GPC5: variants seen among roughly 807,000 people sequenced by gnomAD.
The protein encoded by GPC5 is glypican-5.
A neutral mutation model predicts 53.9 loss-of-function variants in GPC5; 47 were observed. That is an observed-to-expected ratio of 0.87 (90% CI 0.69 to 1.11). The LOEUF is 1.11. Among genes scored for constraint, GPC5 ranks in the 50% most tolerant of loss-of-function variants. GPC5 has a pLI of 0.00. For missense variants in GPC5, 748 were observed against 713.1 expected, an observed-to-expected ratio of 1.05 and a Z score of -0.56; for synonymous variants, 286 against 263.3, an observed-to-expected ratio of 1.09 and a Z score of -0.84.
chr13:91,875,008 A>G (rs1366590086), intron 5 of GPC5, among the ~76,000 whole-genome samples: 2 of 152,192 alleles, frequency 1.3e-5, no homozygotes, highest in Non-Finnish European at 2.9e-5. Flanking sequence ...TCAGCACATC[A>G]GTGTGTGTCA....
intron 2 of GPC5, among the ~76,000 whole-genome samples, chr13:91,464,705 A>G (rs1260406851): frequency 1.3e-5 from 2 of 152,120 alleles, no homozygotes; most frequent in South Asian, 2.1e-4. Flanking sequence ...GGACGTGTCT[A>G]TAAAGGGATA....
intron 6 of GPC5, among the ~76,000 whole-genome samples, chr13:91,966,311 G>A (rs2040180298): frequency 6.6e-6 from 1 of 152,168 alleles, no homozygotes; most frequent in South Asian, 2.1e-4. Flanking sequence ...ACAATCAAAA[G>A]TGTATAATGG....
At chr13:91,401,098 C>T (rs1594037724) in intron 1 of GPC5, among the ~76,000 whole-genome samples, 1 of 152,082 alleles carries the variant, frequency 6.6e-6, no homozygotes, top group Non-Finnish European at 1.5e-5. Flanking sequence ...AAAAGAAATG[C>T]TAAGTTCCTT....
At chr13:92,565,904 C>T (rs1882849633) in intron 7 of GPC5, among the ~76,000 whole-genome samples, 1 of 151,888 alleles carries the variant, frequency 6.6e-6, no homozygotes, top group African/African-American at 2.4e-5. Flanking sequence ...TAGAATGTGT[C>T]TCTCCTTCCT....
chr13:92,732,616 CAAG>C (rs1453213968), intron 7 of GPC5, among the ~76,000 whole-genome samples: 1 of 151,414 alleles, frequency 6.6e-6, no homozygotes, highest in African/African-American at 2.4e-5. Flanking sequence ...AGAAAACAAA[CAAG>C]AAGATTGTGT....
chr13:91,517,809 T>C (rs1000656147), intron 2 of GPC5, among the ~76,000 whole-genome samples: 2 of 152,174 alleles, frequency 1.3e-5, no homozygotes, highest in Non-Finnish European at 2.9e-5. Context: ...ACTTCTTACA[T>C]GGTGGTGGCA....
At chr13:91,579,711 T>C (rs2032283548) in intron 2 of GPC5, among the ~76,000 whole-genome samples, 1 of 146,948 alleles carries the variant, frequency 6.8e-6, no homozygotes, top group Non-Finnish European at 1.5e-5. Flanking sequence ...TTACTGCAAC[T>C]TCTGCCCCCT....
intron 5 of GPC5, among the ~76,000 whole-genome samples, chr13:91,778,393 T>C (rs373345070): frequency 7.9e-5 from 12 of 152,302 alleles, no homozygotes; most frequent in African/African-American, 2.4e-4. Flanking sequence ...TCAATGGTTA[T>C]AAGTTTCGTG....
chr13:91,926,517 C>CA (rs1369783589), intron 6 of GPC5, among the ~76,000 whole-genome samples: 1 of 152,116 alleles, frequency 6.6e-6, no homozygotes, highest in African/African-American at 2.4e-5. Context: ...AGACCTGTTC[C>CA]ATGTATTTGT....
At chr13:91,667,870 C>T (rs2035154622) in intron 2 of GPC5, among the ~76,000 whole-genome samples, 1 of 152,156 alleles carries the variant, frequency 6.6e-6, no homozygotes, top group African/African-American at 2.4e-5. Flanking sequence ...AATCTCATCT[C>T]CTCCAGTGAG....
At chr13:92,530,059 G>A (rs1303922485) in intron 7 of GPC5, among the ~76,000 whole-genome samples, 2 of 152,074 alleles carry the variant, frequency 1.3e-5, no homozygotes, top group Non-Finnish European at 1.5e-5. Context: ...CCCCAGCCTG[G>A]GCGGCAGAGC....
intron 2 of GPC5, among the ~76,000 whole-genome samples, chr13:91,660,603 A>T (rs1594393849): frequency 6.6e-6 from 1 of 152,200 alleles, no homozygotes; most frequent in African/African-American, 2.4e-5. Context: ...CAACCACTAA[A>T]TTTTGGGATC....
intron 1 of GPC5, among the ~76,000 whole-genome samples, chr13:91,415,051 G>C (rs1338956897): frequency 6.6e-6 from 1 of 152,172 alleles, no homozygotes; most frequent in Non-Finnish European, 1.5e-5. Flanking sequence ...CCTATCCACT[G>C]TTTCCTACCT....
At position 91,501,614 on chromosome 13, in the gene GPC5, A is replaced by G. The variant is rs141638834; in HGVS notation, c.325+52692A>G. ...GGCTGCATAGTATTCCATGGTGTAT[A>G]TGTGCCACATTTTCTTAATCCAGTC... On this transcript the variant is annotated intron_variant, in intron 2 of 7. Transcript: ENST00000377067. Among the ~76,000 whole-genome samples the G allele has an allele frequency of 9.4e-3, 1,437 of 152,240 alleles. 22 individuals are homozygous for G. Among genetic ancestry groups the G allele is most frequent in the African/African-American group, 0.033 (1,351 of 41,530 alleles).
At chr13:92,028,155 A>G (rs1037102855) in intron 6 of GPC5, among the ~76,000 whole-genome samples, 3 of 152,176 alleles carry the variant, frequency 2.0e-5, no homozygotes, top group Non-Finnish European at 2.9e-5. Context: ...CGAACATTAT[A>G]TGATGATTAA....
At chr13:91,641,577 T>A (rs1379112579) in intron 2 of GPC5, among the ~76,000 whole-genome samples, 1 of 152,262 alleles carries the variant, frequency 6.6e-6, no homozygotes, top group African/African-American at 2.4e-5. Context: ...TTTACCTATG[T>A]AGCAAACCTG....
At chr13:92,519,944 G>T (rs1880965773) in intron 7 of GPC5, among the ~76,000 whole-genome samples, 1 of 151,938 alleles carries the variant, frequency 6.6e-6, no homozygotes, top group South Asian at 2.1e-4. Flanking sequence ...TGATAAAGGG[G>T]ATATCACCAC....
intron 6 of GPC5, among the ~76,000 whole-genome samples, chr13:92,092,315 T>C (rs969785135): frequency 3.3e-5 from 5 of 152,218 alleles, no homozygotes; most frequent in African/African-American, 1.2e-4. Flanking sequence ...TCATGAGTTA[T>C]TTTCTAGACA....
chr13:92,275,825 T>C (rs2042871388), intron 7 of GPC5, among the ~76,000 whole-genome samples: 1 of 152,132 alleles, frequency 6.6e-6, no homozygotes, highest in Non-Finnish European at 1.5e-5. Context: ...CTGCAAAGGT[T>C]AAAAACATCA....
Sources: allele counts gnomAD v4.1 joint callset (sites outside exome capture counted in the v4.1 genomes callset), GRCh38; gene constraint gnomAD v4.1.1; transcripts MANE v1.5; gene names NCBI Gene and HGNC (gene_info 2026-07-23, HGNC 2026-07-21).